The following GRIP1 variants were observed in gnomAD, a reference collection of about 807,000 sequenced individuals.
GRIP1 encodes the protein glutamate receptor interacting protein 1, also known as glutamate receptor-interacting protein 1.
A neutral mutation model predicts 129.9 loss-of-function variants in GRIP1; 45 were observed. That is an observed-to-expected ratio of 0.35 (90% CI 0.27 to 0.44). The LOEUF is 0.44. Ranked by LOEUF, GRIP1 falls within the 20% of genes least tolerant of loss-of-function variation. GRIP1 has a pLI of 1.00. For synonymous variants in GRIP1, 530 were observed against 520.8 expected (o/e 1.02, Z -0.24); for missense variants, 1,196 against 1,396.8 (o/e 0.86, Z 2.29).
At chr12:67,060,000 TTC>T (rs1450129661) in intron 1 of GRIP1, among the ~76,000 whole-genome samples, 24 of 152,202 alleles carry the variant, frequency 1.6e-4, no homozygotes, top group Admixed American at 1.6e-3. Context: ...GGTAGTGAGT[TTC>T]ACCCTGAGCA....
chr12:66,960,700 T>C (rs970548222), intron 1 of GRIP1, among the ~76,000 whole-genome samples: 1 of 152,074 alleles, frequency 6.6e-6, no homozygotes, highest in Admixed American at 6.6e-5. Flanking sequence ...TTCAGACATT[T>C]TTAGTTGACA....
At chr12:66,910,849 C>T (rs1353881362) in intron 1 of GRIP1, among the ~76,000 whole-genome samples, 2 of 152,186 alleles carry the variant, frequency 1.3e-5, no homozygotes, top group Non-Finnish European at 2.9e-5. Context: ...TAGAATTCCA[C>T]TTAACCAGAA....
chr12:66,818,332 T>C (rs1293720039), intron 1 of GRIP1, among the ~76,000 whole-genome samples: 2 of 152,224 alleles, frequency 1.3e-5, no homozygotes, highest in African/African-American at 2.4e-5. Flanking sequence ...TAATGGTAGA[T>C]ACAAGTTTTC....
intron 1 of GRIP1, among the ~76,000 whole-genome samples, chr12:66,827,285 G>T (rs1295724934): frequency 2.6e-5 from 4 of 151,732 alleles, no homozygotes; most frequent in African/African-American, 9.7e-5. Context: ...CAGAATGTTT[G>T]CAGGGCTTCA....
At chr12:66,889,438 GCAA>G (rs2040620379) in intron 1 of GRIP1, among the ~76,000 whole-genome samples, 1 of 152,168 alleles carries the variant, frequency 6.6e-6, no homozygotes, top group South Asian at 2.1e-4. Flanking sequence ...TCCAGCCTGG[GCAA>G]CAAGAGTGAA....
chr12:66,937,182 C>T (rs183901893), intron 1 of GRIP1, among the ~76,000 whole-genome samples: 43 of 152,264 alleles, frequency 2.8e-4, no homozygotes, highest in African/African-American at 9.1e-4. Context: ...CTAACTTCCT[C>T]CAGTGCTGTG....
intron 1 of GRIP1, among the ~76,000 whole-genome samples, chr12:66,702,912 A>G (rs1278287025): frequency 6.6e-6 from 1 of 152,212 alleles, no homozygotes; most frequent in African/African-American, 2.4e-5. Context: ...AGTTTTAAAG[A>G]AACACCATGA....
chr12:66,825,600 A>G (rs2136999354), intron 1 of GRIP1, among the ~76,000 whole-genome samples: 1 of 152,282 alleles, frequency 6.6e-6, no homozygotes, highest in Middle Eastern at 3.4e-3. Flanking sequence ...AAATGGGCAT[A>G]ATATAGTACC....
At chr12:67,024,327 G>A (rs547771620) in intron 1 of GRIP1, among the ~76,000 whole-genome samples, 3 of 152,234 alleles carry the variant, frequency 2.0e-5, no homozygotes, top group East Asian at 3.9e-4. Flanking sequence ...GAAGAACACA[G>A]GCAAGGATCT....
chr12:66,678,875 A>C lies in GRIP1; in HGVS notation c.30T>G (p.Cys10Trp). Residue 10 changes from cysteine to tryptophan, a missense_variant, in exon 1 of 25, where the codon TGT becomes TGG. Cys to Trp is a radical substitution (Grantham distance 215). Around this residue, in one of 5 missense-constraint regions of GRIP1, gnomAD observed 217 missense variants for 224.8 expected, o/e 0.97. Transcript: ENST00000359742. The stretch of plus-strand genomic sequence containing the variant: ...CTTTAGTAAGTCGCCTCAGAATTTG[A>C]CAACGGCATTTAAAAGAGACAGCTA... MIAVSFKCR[C>W]QILRRLTKDE... 6.2e-7 allele frequency: 1 copy of C among 1,613,518 alleles called. No homozygotes were observed. Among genetic ancestry groups the C allele is most frequent in the South Asian group, 1.1e-5 (1 of 91,078 alleles).
chr12:66,400,793 G>A (rs895928287), intron 16 of GRIP1, among the ~76,000 whole-genome samples: 1 of 152,172 alleles, frequency 6.6e-6, no homozygotes, highest in Non-Finnish European at 1.5e-5. Flanking sequence ...ATATGTGATA[G>A]ATTTGCAAAC....
chr12:66,753,333 TG>T (rs11297180), intron 1 of GRIP1, among the ~76,000 whole-genome samples: 49,885 of 152,018 alleles, frequency 0.33, 8,859 homozygotes, highest in East Asian at 0.45. Context: ...ATGGAAGGAA[TG>T]GGGCCACTTT....
chr12:67,040,143 CT>C (rs1453544138), intron 1 of GRIP1, among the ~76,000 whole-genome samples: 2 of 152,100 alleles, frequency 1.3e-5, no homozygotes, highest in Non-Finnish European at 2.9e-5. Flanking sequence ...TTTTCACCTA[CT>C]TTCTGGTTAT....
intron 1 of GRIP1, among the ~76,000 whole-genome samples, chr12:66,676,531 C>T (rs971139526): frequency 6.6e-6 from 1 of 152,152 alleles, no homozygotes; most frequent in African/African-American, 2.4e-5. Flanking sequence ...AAATGCCCTA[C>T]TACTTTCAAC....
At chr12:66,969,251 T>C (rs1441152050) in intron 1 of GRIP1, among the ~76,000 whole-genome samples, 1 of 152,204 alleles carries the variant, frequency 6.6e-6, no homozygotes, top group Non-Finnish European at 1.5e-5. Context: ...TTAGGTTAGA[T>C]GTCTGTCATT....
intron 5 of GRIP1, among the ~76,000 whole-genome samples, chr12:66,528,147 T>TTTTTTTTTTTG (rs1354644592): frequency 6.8e-6 from 1 of 148,124 alleles, no homozygotes; most frequent in Admixed American, 6.8e-5. Context: ...TTTTTTTTTT[T>TTTTTTTTTTTG]TTTTTGAGAT....
chr12:66,922,713 A>C (rs2041233087), intron 1 of GRIP1, among the ~76,000 whole-genome samples: 1 of 152,214 alleles, frequency 6.6e-6, no homozygotes, highest in Admixed American at 6.5e-5. Context: ...GAACTGACTC[A>C]GTTGACTGCT....
intron 1 of GRIP1, among the ~76,000 whole-genome samples, chr12:66,771,893 A>G (rs1486421286): frequency 2.0e-5 from 3 of 152,240 alleles, no homozygotes; most frequent in Non-Finnish European, 4.4e-5. Context: ...CGGTCTATAG[A>G]AAAGTTTTCA....
intron 1 of GRIP1, among the ~76,000 whole-genome samples, chr12:66,659,520 T>C (rs1369962571): frequency 1.3e-5 from 2 of 152,258 alleles, no homozygotes; most frequent in African/African-American, 4.8e-5. Flanking sequence ...CATGCATTAA[T>C]ACAGTGTCAC....
Sources: gnomAD v4.1 joint callset for allele counts (sites outside exome capture counted in the v4.1 genomes callset) on GRCh38, gnomAD v4.1.1 for gene constraint, gnomAD v4.1.1 regional missense constraint, MANE v1.5 for transcripts, NCBI Gene and HGNC (gene_info 2026-07-23, HGNC 2026-07-21) for gene names.